PLCB1: variants seen among roughly 807,000 people sequenced by gnomAD.
The protein encoded by PLCB1 is 1-phosphatidylinositol 4,5-bisphosphate phosphodiesterase beta-1.
In PLCB1, 46 loss-of-function variants were observed where a neutral mutation model predicts 161.8. The ratio of observed to expected loss-of-function variants is 0.28; its 90% CI spans 0.22 to 0.36. The LOEUF (loss-of-function observed/expected upper bound fraction) is 0.36. PLCB1 is among the 10% of genes least tolerant of loss of function. PLCB1 has a pLI of 1.00. For missense variants in PLCB1, 1,016 were observed against 1,472.5 expected (o/e 0.69, Z 5.07); for synonymous variants, 517 against 503.7 (o/e 1.03, Z -0.35).
At chr20:8,544,938 T>C (rs946057160) in intron 3 of PLCB1, among the ~76,000 whole-genome samples, 2 of 152,204 alleles carry the variant, frequency 1.3e-5, no homozygotes, top group African/African-American at 4.8e-5. Flanking sequence ...TACATTCTTG[T>C]ATCCAGTAAC....
At chr20:8,316,883 C>T (rs1243368320) in intron 2 of PLCB1, among the ~76,000 whole-genome samples, 5 of 152,024 alleles carry the variant, frequency 3.3e-5, no homozygotes, top group Admixed American at 3.3e-4. Flanking sequence ...GCATTTATCA[C>T]CTTCTCTCAT....
Position 8,179,846 on chromosome 20 carries a change from C to CTTTTTTT in PLCB1, c.177+29499_177+29505dup, listed in dbSNP as rs35174594. 3.6e-4 allele frequency among the ~76,000 whole-genome samples: 26 copies of CTTTTTTT among 71,416 alleles called. 4 individuals are homozygous for CTTTTTTT. The highest frequency in any genetic ancestry group is 9.2e-4 in the African/African-American group (17 of 18,414). The allele number at this position is 71,416 out of a possible 152,430, so 46.9% of individuals were successfully genotyped here. On this transcript the variant is annotated intron_variant, in intron 2 of 31. Transcript: ENST00000338037. Reference sequence around the variant, plus strand: ...CCTTCAATGCCTAGTTTGTTGAGGGCTTTTTTTTTTTTTTTTTTTTTTTTT... The same window carrying CTTTTTTT: ...CCTTCAATGCCTAGTTTGTTGAGGGCTTTTTTTTTTTTTTTTTTTTTTTTTTTTTTTT...
chr20:8,823,273 C>A lies in PLCB1; in HGVS notation c.3423+33012C>A, dbSNP rs56819988. ...TGGTAGCTGAGATTACAGGCATGCGCCACTGCGCCCAGCTAATTTTCGTGT... is the reference window on the plus strand; with the variant it reads ...TGGTAGCTGAGATTACAGGCATGCGACACTGCGCCCAGCTAATTTTCGTGT... On this transcript the variant is annotated intron_variant, in intron 31 of 31. Coordinates refer to ENST00000338037, the MANE Select transcript of PLCB1 (RefSeq NM_015192.4). Among the ~76,000 whole-genome samples, 879 of 152,300 alleles carry A rather than the reference C, an allele frequency of 5.8e-3. 8 individuals are homozygous for A. The highest frequency in any genetic ancestry group is 0.02 in the African/African-American group (848 of 41,552).
intron 3 of PLCB1, among the ~76,000 whole-genome samples, chr20:8,560,527 C>T (rs1986108384): frequency 6.6e-6 from 1 of 151,884 alleles, no homozygotes; most frequent in Non-Finnish European, 1.5e-5. Flanking sequence ...AGAATTGAGC[C>T]CCAGCACTAG....
chr20:8,655,690 A>G (rs1989438822), intron 7 of PLCB1, among the ~76,000 whole-genome samples: 1 of 152,026 alleles, frequency 6.6e-6, no homozygotes, highest in Admixed American at 6.6e-5. Flanking sequence ...AACTCTTTTT[A>G]GTAGGGAAAA....
chr20:8,583,588 T>C (rs1029908809), intron 3 of PLCB1, among the ~76,000 whole-genome samples: 6 of 152,332 alleles, frequency 3.9e-5, no homozygotes, highest in African/African-American at 1.4e-4. Context: ...ATGATCTGTG[T>C]GCTTTCGTTG....
chr20:8,242,776 G>C (rs891469897), intron 2 of PLCB1, among the ~76,000 whole-genome samples: 4 of 151,906 alleles, frequency 2.6e-5, no homozygotes, highest in African/African-American at 9.7e-5. Flanking sequence ...AAGGTTGTGT[G>C]GCTTTGGGAC....
At chr20:8,625,096 TTTTA>T (rs1988294720) in intron 3 of PLCB1, among the ~76,000 whole-genome samples, 1 of 152,208 alleles carries the variant, frequency 6.6e-6, no homozygotes, top group Non-Finnish European at 1.5e-5. Flanking sequence ...GCTATTTTGA[TTTTA>T]TTTGTTTGTT....
At chr20:8,355,579 G>A (rs1190846990) in intron 2 of PLCB1, among the ~76,000 whole-genome samples, 1 of 152,160 alleles carries the variant, frequency 6.6e-6, no homozygotes, top group African/African-American at 2.4e-5. Context: ...CAAGCAAAGG[G>A]TGATGTGAAA....
At chr20:8,363,681 C>G (rs1171296337) in intron 2 of PLCB1, among the ~76,000 whole-genome samples, 1 of 152,098 alleles carries the variant, frequency 6.6e-6, no homozygotes, top group East Asian at 1.9e-4. Flanking sequence ...CTCTCACACT[C>G]AGAGGGAGGG....
intron 3 of PLCB1, among the ~76,000 whole-genome samples, chr20:8,455,199 A>G (rs1170255700): frequency 6.6e-6 from 1 of 151,550 alleles, no homozygotes; most frequent in African/African-American, 2.4e-5. Flanking sequence ...GTGGTGGCAC[A>G]CACCTGTAAT....
intron 11 of PLCB1, among the ~76,000 whole-genome samples, chr20:8,707,593 A>C (rs973608477): frequency 6.6e-6 from 1 of 152,216 alleles, no homozygotes; most frequent in Non-Finnish European, 1.5e-5. Context: ...AATTTGAAAT[A>C]CATGAGGGAC....
chr20:8,777,732 A>G (rs1983013364), intron 27 of PLCB1, among the ~76,000 whole-genome samples: 1 of 151,580 alleles, frequency 6.6e-6, no homozygotes, highest in South Asian at 2.1e-4. Flanking sequence ...AAAAAAAAAA[A>G]AGAAGTCTGG....
chr20:8,200,691 A>G (rs1471035435), intron 2 of PLCB1, among the ~76,000 whole-genome samples: 2 of 151,936 alleles, frequency 1.3e-5, no homozygotes, highest in Non-Finnish European at 2.9e-5. Context: ...TAATCTATAC[A>G]TCACCACACA....
At chr20:8,830,282 G>A (rs1425745530) in intron 31 of PLCB1, among the ~76,000 whole-genome samples, 1 of 152,204 alleles carries the variant, frequency 6.6e-6, no homozygotes, top group Non-Finnish European at 1.5e-5. Context: ...GAGACCAAGG[G>A]AAACCATAAT....
At chr20:8,672,490 C>T (rs529715656) in intron 9 of PLCB1, among the ~76,000 whole-genome samples, 1 of 149,830 alleles carries the variant, frequency 6.7e-6, no homozygotes, top group East Asian at 2.0e-4. Context: ...TTGGCTACTG[C>T]TGCCTTAAAC....
At chr20:8,388,270 A>G (rs1358231171) in intron 3 of PLCB1, among the ~76,000 whole-genome samples, 2 of 152,200 alleles carry the variant, frequency 1.3e-5, no homozygotes, top group African/African-American at 4.8e-5. Flanking sequence ...AGGGTTGTCA[A>G]ATCTCAAATA....
intron 2 of PLCB1, among the ~76,000 whole-genome samples, chr20:8,214,616 T>G (rs1321181308): frequency 6.6e-6 from 1 of 151,142 alleles, no homozygotes; most frequent in African/African-American, 2.4e-5. Context: ...CTTCATTCAT[T>G]AAAAGGCTAC....
At chr20:8,584,509 T>C (rs914386277) in intron 3 of PLCB1, among the ~76,000 whole-genome samples, 1 of 109,590 alleles carries the variant, frequency 9.1e-6, no homozygotes, top group Non-Finnish European at 1.9e-5. Flanking sequence ...CACACACACG[T>C]GGAGCCCCCA....
Sources: allele counts gnomAD v4.1 joint callset (sites outside exome capture counted in the v4.1 genomes callset), GRCh38; gene constraint gnomAD v4.1.1; transcripts MANE v1.5; gene names NCBI Gene and HGNC (gene_info 2026-07-23, HGNC 2026-07-21).